Variants in MNS1 observed in about 807,000 individuals in gnomAD.
MNS1 encodes the protein meiosis-specific nuclear structural protein 1.
In MNS1, 63 loss-of-function variants were observed where a neutral mutation model predicts 72.0. That is an observed-to-expected ratio of 0.87 (90% CI 0.71 to 1.08). The LOEUF (loss-of-function observed/expected upper bound fraction) is 1.08, where lower values mean the gene tolerates loss of function less well. MNS1 is among the 50% of genes least tolerant of loss of function. The pLI, the probability that MNS1 is intolerant of heterozygous loss-of-function variation, is 0.00. For missense variants in MNS1, 604 were observed against 562.4 expected, an observed-to-expected ratio of 1.07 and a Z score of -0.75; for synonymous variants, 188 against 172.1, an observed-to-expected ratio of 1.09 and a Z score of -0.72.
chr15:56,437,662 G>C (rs1474044928), intron 7 of MNS1, among the ~76,000 whole-genome samples: 1 of 152,154 alleles, frequency 6.6e-6, no homozygotes, highest in Non-Finnish European at 1.5e-5. Flanking sequence ...ATTAGGAAAA[G>C]AGGAAGTCAA....
In MNS1 at chr15:56,458,992, G is replaced by A. The variant is rs554066794; in HGVS notation, c.226-2471C>T. Reference sequence around the variant, plus strand: ...TATAGATATATATAGGTGATTGTATGTACACACTATATATAGCACATCTGT... The same window carrying A: ...TATAGATATATATAGGTGATTGTATATACACACTATATATAGCACATCTGT... On this transcript the variant is annotated intron_variant, in intron 2 of 9. Transcript: ENST00000260453. 7.9e-5 allele frequency among the ~76,000 whole-genome samples: 12 copies of A among 152,262 alleles called. No individual in the cohort carries two copies. The South Asian group carries it at 2.5e-3, about 32-fold the overall frequency.
chr15:56,456,454 G>C lies in MNS1; in HGVS notation c.293C>G (p.Ala98Gly), dbSNP rs1231897579. The change falls in exon 3 of 10, where the codon GCA (alanine) becomes GGA (glycine). Residue 98 changes from alanine to glycine, a missense_variant. Physicochemically the swap from Ala to Gly is moderately conservative, Grantham distance 60 (BLOSUM62 0). Transcript: ENST00000260453. ...KQEEKLAMEL[A>G]KLKHESLKDE... is the part of the protein sequence containing the mutation. ...CTTTAGACTTTCATGTTTCAGTTTT[G>C]CCAATTCCATAGCCAGTTTTTCTTC... 6.2e-7 allele frequency: 1 copy of C among 1,611,738 alleles called. No homozygotes were observed. Among genetic ancestry groups the C allele is most frequent in the Non-Finnish European group, 8.5e-7 (1 of 1,179,294 alleles).
At position 56,446,388 on chromosome 15, in the gene MNS1, G is replaced by C. The variant is rs375649542; in HGVS notation, c.456+453C>G. Among the ~76,000 whole-genome samples the C allele has an allele frequency of 2.0e-5, 3 of 151,984 alleles. 1 individual carries two copies. Among genetic ancestry groups the C allele is most frequent in the Admixed American group, 6.6e-5 (1 of 15,254 alleles). On this transcript the variant is annotated intron_variant, in intron 4 of 9. Coordinates refer to ENST00000260453, the MANE Select transcript of MNS1 (RefSeq NM_018365.4). ...TATCTTCAACTTGGTACCATATCAG[G>C]AGTTAGAAAAGGGGATAAAAGCAGA...
At chr15:56,443,304 A>T in intron 7 of MNS1, 126 bp downstream of exon 7, 1 of 644,426 alleles carries the variant, frequency 1.6e-6, no homozygotes, top group Non-Finnish European at 2.4e-6. Context: ...TTTTAACTGT[A>T]GTATACCATT....
intron 9 of MNS1, chr15:56,429,512 C>G (rs1046048778): frequency 5.3e-6 from 1 of 187,028 alleles, no homozygotes; most frequent in Non-Finnish European, 1.1e-5. Flanking sequence ...TGTACCCTAC[C>G]CTTTTCTTTA....
At chr15:56,443,313 T>A (rs2050850590) in intron 7 of MNS1, 117 bp downstream of exon 7, 3 of 715,926 alleles carry the variant, frequency 4.2e-6, no homozygotes, top group Non-Finnish European at 6.3e-6. Flanking sequence ...TAGTATACCA[T>A]TTACATATAA....
chr15:56,448,695 T>C (rs540614265), intron 3 of MNS1, among the ~76,000 whole-genome samples: 2 of 152,060 alleles, frequency 1.3e-5, no homozygotes, highest in East Asian at 1.9e-4. Context: ...GCAATAAACA[T>C]ATAAATGCAT....
intron 2 of MNS1, 47 bp downstream of exon 2, chr15:56,463,979 C>T: frequency 6.8e-7 from 1 of 1,474,440 alleles, no homozygotes; most frequent in Non-Finnish European, 9.3e-7. Context: ...TCATCGTTTC[C>T]AAGGTGCAAA....
chr15:56,451,246 A>G (rs2050945163), intron 3 of MNS1, among the ~76,000 whole-genome samples: 1 of 152,224 alleles, frequency 6.6e-6, no homozygotes, highest in Non-Finnish European at 1.5e-5. Flanking sequence ...GATATACCCA[A>G]CAATTTGTGA....
intron 2 of MNS1, among the ~76,000 whole-genome samples, chr15:56,461,978 T>TTG (rs2051025284): frequency 1.5e-3 from 11 of 7,154 alleles, no homozygotes; most frequent in East Asian, 8.8e-3. Flanking sequence ...TGTTGTTGTT[T>TTG]TTTTTTTTTT....
At chr15:56,431,857 A>AAAT (rs1396566151) in intron 8 of MNS1, among the ~76,000 whole-genome samples, 2 of 151,984 alleles carry the variant, frequency 1.3e-5, no homozygotes, top group Non-Finnish European at 2.9e-5. Context: ...GTAAAACAAA[A>AAAT]AATAGTGAAT....
chr15:56,448,707 T>C (rs1212407026), intron 3 of MNS1, among the ~76,000 whole-genome samples: 2 of 152,016 alleles, frequency 1.3e-5, no homozygotes, highest in Non-Finnish European at 2.9e-5. Context: ...TAAATGCATA[T>C]GCTTTTTTTG....
At chr15:56,441,914 G>A (rs1283802755) in intron 7 of MNS1, among the ~76,000 whole-genome samples, 2 of 152,044 alleles carry the variant, frequency 1.3e-5, no homozygotes, top group Admixed American at 6.5e-5. Context: ...CAGCTACTTG[G>A]GAGGCTGAGG....
At chr15:56,437,590 A>G (rs1263536905) in intron 7 of MNS1, among the ~76,000 whole-genome samples, 2 of 152,190 alleles carry the variant, frequency 1.3e-5, no homozygotes, top group East Asian at 1.9e-4. Context: ...ACTCCTATTC[A>G]ACATAGTGTT....
intron 3 of MNS1, among the ~76,000 whole-genome samples, chr15:56,454,167 T>C (rs1227490336): frequency 2.0e-5 from 3 of 152,178 alleles, no homozygotes; most frequent in Admixed American, 6.5e-5. Context: ...AAAATTCTGG[T>C]TGAGTTGTAA....
rs376432994 is a variant in MNS1 at position 56,455,796 on chromosome 15, C to T, written c.353+598G>A. The stretch of plus-strand genomic sequence containing the variant: ...TTTAAACTGTAATCAGAGAAGAAAC[C>T]AGGATGATGAATAAACTTAAAGCCA... On this transcript the variant is annotated intron_variant, in intron 3 of 9. Transcript: ENST00000260453. 1.3e-3 allele frequency among the ~76,000 whole-genome samples: 197 copies of T among 152,008 alleles called. 1 individual carries two copies. Among genetic ancestry groups the T allele is most frequent in the African/African-American group, 4.5e-3 (187 of 41,482 alleles).
In MNS1 at chr15:56,454,793, A is replaced by G. The variant is rs910039368; in HGVS notation, c.353+1601T>C. On this transcript the variant is annotated intron_variant, in intron 3 of 9. Transcript: ENST00000260453. ...TAGCCCGTATCTCTTTTAAATTCTC[A>G]TCTGTATTTTTCTATCCTTTTGTCT... Among the ~76,000 whole-genome samples, 12 of 152,042 alleles carry G rather than the reference A, an allele frequency of 7.9e-5. 1 individual carries two copies. Among genetic ancestry groups the G allele is most frequent in the Non-Finnish European group, 4.4e-5 (3 of 67,984 alleles).
intron 8 of MNS1, among the ~76,000 whole-genome samples, chr15:56,432,006 A>C (rs2050610802): frequency 6.6e-6 from 1 of 152,184 alleles, no homozygotes; most frequent in Non-Finnish European, 1.5e-5. Context: ...GCCATATAGA[A>C]AAGATGACTT....
At chr15:56,458,039 T>A (rs567425775) in intron 2 of MNS1, among the ~76,000 whole-genome samples, 67 of 152,134 alleles carry the variant, frequency 4.4e-4, no homozygotes, top group Middle Eastern at 3.4e-3. Context: ...TACTCAGCAA[T>A]AAAAAGAAAA....
Sources: allele counts gnomAD v4.1 joint callset (sites outside exome capture counted in the v4.1 genomes callset), GRCh38; gene constraint gnomAD v4.1.1; transcripts MANE v1.5; gene names NCBI Gene and HGNC (gene_info 2026-07-23, HGNC 2026-07-21).